The following LDHD variants were observed in gnomAD, a reference collection of about 807,000 sequenced individuals.
LDHD encodes the protein D-lactate dehydrogenase, mitochondrial.
Under a neutral mutation model 52.9 loss-of-function variants are expected in LDHD, and 58 were observed. The observed-to-expected ratio is 1.10, with a 90% CI of 0.89 to 1.36. The LOEUF is 1.36. Among genes scored for constraint, LDHD ranks in the 40% most tolerant of loss-of-function variants. The pLI is 0.00. For missense variants in LDHD, 747 were observed against 668.0 expected (o/e 1.12, Z -1.30); for synonymous variants, 350 against 288.6 (o/e 1.21, Z -2.16).
In LDHD at chr16:75,111,987, G is replaced by C. The variant is rs1396786102; in HGVS notation, c.*369C>G. On this transcript the variant is annotated 3_prime_UTR_variant, in exon 11 of 11. Transcript: ENST00000450168. Reference sequence around the variant, plus strand: ...GGAGTGTTCCTGTCACCAGGTGAAGGGGGAAGGGTCCTGGGACCCCGGCAG... The same window carrying C: ...GGAGTGTTCCTGTCACCAGGTGAAGCGGGAAGGGTCCTGGGACCCCGGCAG... 4.7e-6 allele frequency: 1 copy of C among 211,886 alleles called. No individual in the cohort carries two copies. The highest frequency in any genetic ancestry group is 2.3e-5 in the African/African-American group (1 of 43,720). 13.1% of individuals were successfully genotyped at this position (211,886 alleles called of 1,614,324 possible).
chr16:75,114,726 G>A, intron 4 of LDHD, 41 bp from the exon 5 acceptor site: 4 of 1,549,560 alleles, frequency 2.6e-6, no homozygotes, highest in Non-Finnish European at 3.5e-6. Flanking sequence ...GGGACCGGAG[G>A]TCCTTTCCCT....
rs551071394 is a variant in LDHD, at chr16:75,116,281, G to GGGCGGGGCGC, written c.72+358_72+367dup. 2.6e-5 allele frequency among the ~76,000 whole-genome samples: 4 copies of GGGCGGGGCGC among 152,276 alleles called. No individual in the cohort carries two copies. In the South Asian group the frequency reaches 6.2e-4, roughly 24 times the overall value. On this transcript the variant is annotated intron_variant, in intron 1 of 10. Transcript: ENST00000450168. ...CTGGGGCTTCTGGGCCCTTCGTGGG[G>GGGCGGGGCGC]GGCGGGGCGCGGCGGGGCGGGGGAT... is the stretch of plus-strand genomic sequence containing the variant.
At position 75,114,871 on chromosome 16, in the gene LDHD, G is replaced by C; in HGVS notation, c.425C>G (p.Ala142Gly). 1 of 1,614,028 alleles carries C rather than the reference G, an allele frequency of 6.2e-7. No homozygotes were observed. The highest frequency in any genetic ancestry group is 8.5e-7 in the Non-Finnish European group (1 of 1,179,996). The change falls in exon 4 of 11, where the codon GCC becomes GGC. Residue 142 changes from alanine (A) to glycine (G), a missense_variant. Ala to Gly is a moderately conservative substitution (Grantham distance 60, BLOSUM62 0). Coordinates refer to ENST00000450168, the MANE Select transcript of LDHD (RefSeq NM_194436.3). ...VVVEPGVTRK[A>G]LNAHLRDSGL... ...GCTGTCCCGCAGGTGGGCGTTGAGG[G>C]CTTTGCGGGTGACACCTGGCTCCAC...
At position 75,114,524 on chromosome 16, in the gene LDHD, ACCGGAAATGCCGG is replaced by A; in HGVS notation, c.618_629+1del. On this transcript the variant is annotated splice_donor_variant and coding_sequence_variant, in exon 5 of 11. Transcript: ENST00000450168. LOFTEE classifies it high-confidence loss of function. ...CCCGGGCCCCCCGCAGAGGGCGCTCACCGGAAATGCCGGCCTCGGCCCGCCGTGTGCAGCAGCC... is the reference window on the plus strand; with the variant it reads ...CCCGGGCCCCCCGCAGAGGGCGCTCACCTCGGCCCGCCGTGTGCAGCAGCC... 6.6e-7 allele frequency: 1 copy of A among 1,518,396 alleles called. No individual in the cohort carries two copies. 94.1% of individuals were successfully genotyped at this position (1,518,396 alleles called of 1,614,324 possible). A position where few individuals can be genotyped will look rare whatever the true frequency, so the allele number is the denominator to read the frequency against.
In LDHD at chr16:75,112,487, C is replaced by G; in HGVS notation, c.1324G>C (p.Glu442Gln). The G allele has an allele frequency of 6.2e-7, 1 of 1,613,342 alleles. No individual in the cohort carries two copies. The highest frequency in any genetic ancestry group is 1.7e-4 in the Middle Eastern group (1 of 6,060). The change falls in exon 11 of 11, where the codon GAG becomes CAG. Residue 442 changes from glutamate (E) to glutamine (Q), a missense_variant. Physicochemically the swap from Glu to Gln is conservative, Grantham distance 29. Transcript: ENST00000450168. ...CGCTTGCCCATTCCGATGCCATGCT[C>G]CCCCGTGCACGTTCCGTGGAGAGCC... ...ALALHGTCTGEHGIGMGKRQL... is the reference protein window; with the variant it reads ...ALALHGTCTGQHGIGMGKRQL...
Position 75,115,488 on chromosome 16 carries a change from T to C in LDHD, c.185+60A>G, listed in dbSNP as rs1408588513. The C allele has an allele frequency of 5.7e-6, 9 of 1,569,766 alleles. No homozygotes were observed. The East Asian group carries it at 2.0e-4, about 35-fold the overall frequency. On this transcript the variant is annotated intron_variant, in intron 2 of 10. Transcript: ENST00000450168. ...TGAGGAGGAAGGCAACCCAGCACCC[T>C]CTCTCTCAGCTGGGGTTGAATCCAG...
chr16:75,113,902 G>A (rs1368859948), intron 6 of LDHD, 32 bp from the exon 7 acceptor site: 16 of 1,612,284 alleles, frequency 9.9e-6, no homozygotes, highest in Non-Finnish European at 1.4e-5. Context: ...GCCAGGTGAG[G>A]CCTGGCCTTC....
rs762553855 is a variant in LDHD at position 75,112,588 on chromosome 16, G to A, written c.1289+14C>T. The A allele has an allele frequency of 1.4e-5, 22 of 1,613,778 alleles. No individual in the cohort carries two copies. In the East Asian group the frequency reaches 4.9e-4, roughly 36 times the overall value. On this transcript the variant is annotated intron_variant, in intron 10 of 10. Coordinates refer to ENST00000450168, the MANE Select transcript of LDHD (RefSeq NM_194436.3). ...TCTGCCCTCAGCTCTTCCCCTCCCT[G>A]GCTTTGCTCCTACCTGCCCAGCTGT...
chr16:75,114,806 G>C, intron 4 of LDHD, 21 bp downstream of exon 4: 1 of 1,607,316 alleles, frequency 6.2e-7, no homozygotes, highest in Non-Finnish European at 8.5e-7. Context: ...CAGGGTCCCA[G>C]GAAAGGTTCG....
intron 1 of LDHD, among the ~76,000 whole-genome samples, chr16:75,116,129 A>C (rs1247526493): frequency 6.6e-6 from 1 of 152,136 alleles, no homozygotes; most frequent in East Asian, 1.9e-4. Context: ...AGCAACCGAA[A>C]AGATCCCTCA....
chr16:75,113,243 C>T lies in LDHD; in HGVS notation c.1086+292G>A, dbSNP rs545071222. ...AACATCCCCCTCTCTATCATCTCTT[C>T]CTCCAGGAAGCCTTCCTTCCATGTA... On this transcript the variant is annotated intron_variant, in intron 8 of 10. Transcript: ENST00000450168. Among the ~76,000 whole-genome samples the T allele has an allele frequency of 4.1e-4, 62 of 152,314 alleles. 1 individual carries two copies. The highest frequency in any genetic ancestry group is 1.5e-3 in the African/African-American group (61 of 41,572).
chr16:75,113,263 C>A (rs189290482), intron 8 of LDHD, among the ~76,000 whole-genome samples: 2 of 152,210 alleles, frequency 1.3e-5, no homozygotes, highest in Admixed American at 1.3e-4. Context: ...GCCTTCCTTC[C>A]ATGTACAGCT....
At position 75,113,470 on chromosome 16, in the gene LDHD, G is replaced by C. The variant is rs148885509; in HGVS notation, c.1086+65C>G. ...GCCTGCTGCTCTGTGCAGTAGAGTG[G>C]TGGGTTGAGGAAAGGGTTTGTGGGC... On this transcript the variant is annotated intron_variant, in intron 8 of 10. Coordinates refer to ENST00000450168, the MANE Select transcript of LDHD (RefSeq NM_194436.3). The C allele has an allele frequency of 7.4e-4, 1,134 of 1,530,390 alleles. 5 individuals carry two copies. The African/African-American group carries it at 0.013, about 18-fold the overall frequency. The allele number at this position is 1,530,390 out of a possible 1,614,324, so 94.8% of individuals were successfully genotyped here. A position where few individuals can be genotyped will look rare whatever the true frequency, so the allele number is the denominator to read the frequency against.
At chr16:75,115,466 G>T (rs2036529084) in intron 2 of LDHD, 82 bp downstream of exon 2, 2 of 1,583,736 alleles carry the variant, frequency 1.3e-6, no homozygotes, top group Non-Finnish European at 1.7e-6. Flanking sequence ...AGATGAGTGA[G>T]GAGGAAGGCA....
rs2036534674 is a variant in LDHD at position 75,115,590 on chromosome 16, G to A, written c.143C>T (p.Ala48Val). The A allele has an allele frequency of 1.9e-6, 3 of 1,612,816 alleles. No individual in the cohort carries two copies. The highest frequency in any genetic ancestry group is 2.7e-5 in the African/African-American group (2 of 74,896). Residue 48 changes from alanine to valine, a missense_variant, in exon 2 of 11, where the codon GCG becomes GTG. Ala to Val is a moderately conservative substitution (Grantham distance 64, BLOSUM62 0). Transcript: ENST00000450168. ...GCGCCCGTGCTGCTCTCGGACCACC[G>A]CGGCAGTGGACACGTGGGAGCCGCC... ...VVGGSHVSTA[A>V]VVREQHGRDE...
Position 75,112,415 on chromosome 16 carries a change from G to A in LDHD, c.1396C>T (p.Arg466Trp), listed in dbSNP as rs776142543. ...EVGAVGVETM[R>W]QLKAVLDPQG... ...GGGTCTAGCACGGCCTTGAGCTGCC[G>A]CATGGTCTCCACGCCCACGGCGCCC... is the stretch of plus-strand genomic sequence containing the variant. The change falls in exon 11 of 11, where the codon CGG becomes TGG. Residue 466 changes from arginine (R) to tryptophan (W), a missense_variant. Coordinates refer to ENST00000450168, the MANE Select transcript of LDHD (RefSeq NM_194436.3). 4.2e-5 allele frequency: 68 copies of A among 1,613,390 alleles called. 2 individuals carry two copies. The highest frequency in any genetic ancestry group is 8.9e-5 in the East Asian group (4 of 44,896).
intron 3 of LDHD, 105 bp downstream of exon 3, chr16:75,115,093 G>A: frequency 6.5e-7 from 1 of 1,544,402 alleles, no homozygotes; most frequent in East Asian, 2.3e-5. Context: ...GCAGCCCACG[G>A]GCGGGAGCAG....
chr16:75,113,003 C>G (rs1421274403), intron 8 of LDHD, 79 bp from the exon 9 acceptor site: 10 of 1,034,830 alleles, frequency 9.7e-6, no homozygotes, highest in African/African-American at 3.1e-5. Context: ...GAGGATGGGT[C>G]GGAGGGCACT....
rs188788587 is a variant in LDHD at position 75,113,496 on chromosome 16, C to T, written c.1086+39G>A. On this transcript the variant is annotated intron_variant, in intron 8 of 10. Transcript: ENST00000450168. ...TGGGTTGAGGAAAGGGTTTGTGGGC[C>T]GAGCTGTGGGCCCCATCTGTACCCC... 191 of 1,569,480 alleles carry T rather than the reference C, an allele frequency of 1.2e-4. 1 individual carries two copies. The South Asian group carries it at 1.4e-3, about 11-fold the overall frequency.
Sources: allele counts gnomAD v4.1 joint callset (sites outside exome capture counted in the v4.1 genomes callset), GRCh38; gene constraint gnomAD v4.1.1; transcripts MANE v1.5; gene names NCBI Gene and HGNC (gene_info 2026-07-23, HGNC 2026-07-21).